The following RNF175 variants were observed in gnomAD, a reference collection of about 807,000 sequenced individuals.
The protein encoded by RNF175 is ring finger protein 175.
Under a neutral mutation model 50.0 loss-of-function variants are expected in RNF175, and 38 were observed. The observed-to-expected ratio is 0.76, with a 90% confidence interval of 0.59 to 1.00. The LOEUF (loss-of-function observed/expected upper bound fraction) is 1.00. RNF175 is among the 50% of genes least tolerant of loss of function. RNF175 has a pLI of 0.00. For synonymous variants in RNF175, 155 were observed against 146.1 expected (o/e 1.06, Z -0.44); for missense variants, 388 against 409.6 (o/e 0.95, Z 0.46).
chr4:153,739,385 T>C (rs1458448671), intron 3 of RNF175, among the ~76,000 whole-genome samples: 2 of 152,170 alleles, frequency 1.3e-5, no homozygotes, highest in African/African-American at 2.4e-5. Context: ...CACACCATTG[T>C]ACTCCAGCGA....
At chr4:153,734,662 A>ATTTTTTT (rs1739239419) in intron 3 of RNF175, among the ~76,000 whole-genome samples, 1 of 33,082 alleles carries the variant, frequency 3.0e-5, no homozygotes, top group African/African-American at 1.3e-4. Context: ...TTGTTTTTTT[A>ATTTTTTT]TTCTTTTTTT....
At chr4:153,738,961 A>T (rs1739499612) in intron 3 of RNF175, among the ~76,000 whole-genome samples, 1 of 152,226 alleles carries the variant, frequency 6.6e-6, no homozygotes, top group South Asian at 2.1e-4. Flanking sequence ...CTCAAATAAC[A>T]CTTACAGCTT....
chr4:153,738,408 G>C (rs1244097146), intron 3 of RNF175, among the ~76,000 whole-genome samples: 2 of 151,358 alleles, frequency 1.3e-5, no homozygotes, highest in Admixed American at 1.3e-4. Context: ...CTGGTCTCGA[G>C]CTCTTGGCTC....
intron 7 of RNF175, 29 bp from the exon 8 acceptor site, chr4:153,712,605 G>A (rs1258747743): frequency 7.0e-7 from 1 of 1,431,920 alleles, no homozygotes; most frequent in Non-Finnish European, 9.8e-7. Context: ...GAGGCTTCTA[G>A]ATATGAAAAG....
chr4:153,725,267 T>G (rs16998891), intron 4 of RNF175, among the ~76,000 whole-genome samples: 25,056 of 152,174 alleles, frequency 0.16, 2,504 homozygotes, highest in East Asian at 0.3. Flanking sequence ...CAGTGACTCT[T>G]GAGCCATGGG....
At chr4:153,753,295 G>A (rs1339117525) in intron 1 of RNF175, among the ~76,000 whole-genome samples, 1 of 152,212 alleles carries the variant, frequency 6.6e-6, no homozygotes, top group Non-Finnish European at 1.5e-5. Flanking sequence ...CTGAAAGTCA[G>A]TTTAAGGTTT....
At chr4:153,738,832 G>T (rs1023894804) in intron 3 of RNF175, among the ~76,000 whole-genome samples, 1 of 152,010 alleles carries the variant, frequency 6.6e-6, no homozygotes. Flanking sequence ...TTTTAACTGG[G>T]TATTTTATGA....
chr4:153,717,953 G>T (rs1036614), intron 6 of RNF175, among the ~76,000 whole-genome samples: 4,704 of 152,008 alleles, frequency 0.031, 200 homozygotes, highest in African/African-American at 0.096. Context: ...TATATCCACC[G>T]TTATCGTATC....
chr4:153,723,118 C>T (rs566680653), intron 5 of RNF175: 10 of 282,804 alleles, frequency 3.5e-5, no homozygotes, highest in African/African-American at 1.7e-4. Flanking sequence ...AATTTGCAGA[C>T]CAAATATAAA....
intron 3 of RNF175, among the ~76,000 whole-genome samples, chr4:153,736,784 C>T (rs1739374547): frequency 6.6e-6 from 1 of 152,170 alleles, no homozygotes; most frequent in Non-Finnish European, 1.5e-5. Flanking sequence ...TCTAATTTAT[C>T]CAAATTTGTG....
chr4:153,726,356 C>T (rs146850684), intron 4 of RNF175, among the ~76,000 whole-genome samples: 195 of 152,256 alleles, frequency 1.3e-3, no homozygotes, highest in African/African-American at 4.4e-3. Context: ...CCACCCACCT[C>T]GGCCTCCCAA....
chr4:153,757,960 C>T (rs1370453842), intron 1 of RNF175, among the ~76,000 whole-genome samples: 1 of 152,118 alleles, frequency 6.6e-6, no homozygotes, highest in Non-Finnish European at 1.5e-5. Context: ...TTTATTGAGG[C>T]CCTGCCGTTT....
chr4:153,750,836 A>G (rs145581120), intron 2 of RNF175, among the ~76,000 whole-genome samples: 117 of 140,590 alleles, frequency 8.3e-4, no homozygotes, highest in African/African-American at 2.9e-3. Flanking sequence ...CTTCATCATC[A>G]GTCTAAAATA....
chr4:153,718,209 GT>G (rs1238895381), intron 6 of RNF175, among the ~76,000 whole-genome samples: 1 of 92,596 alleles, frequency 1.1e-5, no homozygotes, highest in Non-Finnish European at 2.0e-5. Context: ...TTCCTAAGGA[GT>G]TTTTTTTGTT....
intron 3 of RNF175, among the ~76,000 whole-genome samples, chr4:153,732,919 A>T (rs1395863320): frequency 1.3e-5 from 2 of 152,232 alleles, no homozygotes; most frequent in Non-Finnish European, 2.9e-5. Flanking sequence ...CGACTACTTG[A>T]AAACATCCAG....
intron 3 of RNF175, among the ~76,000 whole-genome samples, chr4:153,747,250 G>A (rs911221234): frequency 6.6e-6 from 1 of 152,146 alleles, no homozygotes; most frequent in Non-Finnish European, 1.5e-5. Context: ...TCTTTACGTA[G>A]CCAGGCTGTG....
intron 6 of RNF175, among the ~76,000 whole-genome samples, chr4:153,718,234 G>GTTTTTTTTTTT (rs1276542726): frequency 1.6e-5 from 1 of 64,256 alleles, no homozygotes; most frequent in African/African-American, 5.9e-5. Flanking sequence ...TTGTTTGTTT[G>GTTTTTTTTTTT]TTTGTTTTTT....
chr4:153,720,378 C>T, intron 5 of RNF175, 74 bp from the exon 6 acceptor site: 1 of 1,287,886 alleles, frequency 7.8e-7, no homozygotes, highest in Non-Finnish European at 1.1e-6. Context: ...AAAATATTTC[C>T]TGTTGATGGT....
At chr4:153,750,711 T>G (rs1263740434) in intron 2 of RNF175, among the ~76,000 whole-genome samples, 6 of 151,832 alleles carry the variant, frequency 4.0e-5, no homozygotes, top group Admixed American at 3.9e-4. Flanking sequence ...GGAAGAAAAA[T>G]GAAAAGAATA....
Sources: allele counts gnomAD v4.1 joint callset (sites outside exome capture counted in the v4.1 genomes callset), GRCh38; gene constraint gnomAD v4.1.1; transcripts MANE v1.5; gene names NCBI Gene and HGNC (gene_info 2026-07-23, HGNC 2026-07-21).